Variants in FAM13A observed in about 807,000 individuals in gnomAD.
FAM13A encodes the protein family with sequence similarity 13 member A.
FAM13A carries 76 observed loss-of-function variants against 129.6 expected under a neutral mutation model. The observed-to-expected ratio is 0.59, with a 90% CI of 0.49 to 0.71. FAM13A has a LOEUF of 0.71. FAM13A is among the 30% of genes least tolerant of loss of function. The pLI, the probability that FAM13A is intolerant of heterozygous loss-of-function variation, is 0.00. For missense variants in FAM13A, 1,108 were observed against 1,249.3 expected (o/e 0.89, Z 1.70); for synonymous variants, 443 against 449.9 (o/e 0.98, Z 0.20).
At chr4:89,011,211 T>C (rs966359692) in intron 3 of FAM13A, among the ~76,000 whole-genome samples, 3 of 148,550 alleles carry the variant, frequency 2.0e-5, no homozygotes, top group African/African-American at 7.3e-5. Flanking sequence ...CTGTCTCTGG[T>C]AACCTTCCTT....
chr4:88,808,360 G>GA (rs770499950), intron 7 of FAM13A, among the ~76,000 whole-genome samples: 10 of 151,998 alleles, frequency 6.6e-5, no homozygotes, highest in Admixed American at 5.9e-4. Context: ...ATGCACATTT[G>GA]AAAAAATTAC....
intron 4 of FAM13A, among the ~76,000 whole-genome samples, chr4:88,964,554 C>T (rs546602864): frequency 2.4e-4 from 36 of 150,648 alleles, no homozygotes; most frequent in African/African-American, 8.3e-4. Flanking sequence ...ACCATCTAGT[C>T]ATAATGAATC....
intron 6 of FAM13A, among the ~76,000 whole-genome samples, chr4:88,876,800 C>G (rs1209907131): frequency 6.6e-6 from 1 of 152,096 alleles, no homozygotes; most frequent in African/African-American, 2.4e-5. Flanking sequence ...ACCATGTTAG[C>G]CAGGATGGTC....
chr4:88,804,975 T>G, intron 8 of FAM13A, 36 bp downstream of exon 8: 1 of 1,264,932 alleles, frequency 7.9e-7, no homozygotes. Flanking sequence ...CCCTCCTTTA[T>G]TCCCTGTAGT....
At chr4:88,929,255 C>T (rs1053203979) in intron 5 of FAM13A, among the ~76,000 whole-genome samples, 11 of 152,064 alleles carry the variant, frequency 7.2e-5, no homozygotes, top group East Asian at 1.9e-4. Flanking sequence ...CTGAAATGTC[C>T]GATATTAGAC....
chr4:89,025,254 T>TA (rs1423378016), intron 2 of FAM13A, among the ~76,000 whole-genome samples: 998 of 61,668 alleles, frequency 0.016, 38 homozygotes, highest in African/African-American at 0.076. Flanking sequence ...TGTTTTTTTT[T>TA]TTTTTTTTTT....
intron 7 of FAM13A, among the ~76,000 whole-genome samples, chr4:88,819,518 C>A (rs1200693842): frequency 6.6e-6 from 1 of 152,104 alleles, no homozygotes; most frequent in Non-Finnish European, 1.5e-5. Context: ...TTACCTACAT[C>A]CCCACAATAC....
At chr4:88,958,946 G>A (rs1185805530) in intron 4 of FAM13A, among the ~76,000 whole-genome samples, 1 of 152,218 alleles carries the variant, frequency 6.6e-6, no homozygotes, top group Admixed American at 6.5e-5. Flanking sequence ...CTGGATGTGG[G>A]ACATGAAGTC....
intron 4 of FAM13A, among the ~76,000 whole-genome samples, chr4:88,980,422 C>T (rs1158232306): frequency 6.6e-6 from 1 of 152,092 alleles, no homozygotes; most frequent in Non-Finnish European, 1.5e-5. Flanking sequence ...AGTAGTAAGC[C>T]AATTATCACA....
At chr4:88,944,600 T>C (rs1346203835) in intron 4 of FAM13A, among the ~76,000 whole-genome samples, 2 of 152,046 alleles carry the variant, frequency 1.3e-5, no homozygotes, top group Non-Finnish European at 2.9e-5. Context: ...AGAGTTAAGA[T>C]GCTTTTAAAA....
At chr4:88,951,465 G>C (rs1259671573) in intron 4 of FAM13A, among the ~76,000 whole-genome samples, 2 of 152,086 alleles carry the variant, frequency 1.3e-5, no homozygotes, top group Non-Finnish European at 2.9e-5. Flanking sequence ...CAAATTAATG[G>C]TTAAAAGAGA....
intron 1 of FAM13A, among the ~76,000 whole-genome samples, chr4:89,048,902 T>C (rs1176551217): frequency 6.6e-6 from 1 of 152,194 alleles, no homozygotes; most frequent in Non-Finnish European, 1.5e-5. Context: ...AATGTCACTA[T>C]TTTACATCTT....
At chr4:89,013,895 G>C (rs928840971) in intron 3 of FAM13A, among the ~76,000 whole-genome samples, 1 of 152,124 alleles carries the variant, frequency 6.6e-6, no homozygotes, top group African/African-American at 2.4e-5. Flanking sequence ...TTCTCCCCAG[G>C]TCTGCATGAG....
At chr4:88,871,600 A>C (rs1005148118) in intron 6 of FAM13A, among the ~76,000 whole-genome samples, 1 of 152,204 alleles carries the variant, frequency 6.6e-6, no homozygotes, top group Non-Finnish European at 1.5e-5. Flanking sequence ...TAGAGAAAAA[A>C]GAGTAAAAAG....
intron 13 of FAM13A, among the ~76,000 whole-genome samples, chr4:88,761,963 G>A (rs890407613): frequency 1.3e-5 from 2 of 151,998 alleles, no homozygotes; most frequent in Non-Finnish European, 2.9e-5. Context: ...TTAGGGCTCT[G>A]GAGAAAAATA....
chr4:89,013,206 A>G (rs1765957517), intron 3 of FAM13A, among the ~76,000 whole-genome samples: 1 of 151,880 alleles, frequency 6.6e-6, no homozygotes, highest in Non-Finnish European at 1.5e-5. Context: ...GAAACACAGT[A>G]ATCCTTCCTA....
At chr4:88,891,458 C>T (rs1030087800) in intron 6 of FAM13A, among the ~76,000 whole-genome samples, 18 of 152,090 alleles carry the variant, frequency 1.2e-4, no homozygotes, top group Non-Finnish European at 2.1e-4. Flanking sequence ...AGAAGAGGGA[C>T]TCTCTCCAAT....
At chr4:89,037,473 AAAC>A (rs144496523) in intron 1 of FAM13A, among the ~76,000 whole-genome samples, 5,969 of 152,290 alleles carry the variant, frequency 0.039, 227 homozygotes, top group South Asian at 0.22. Flanking sequence ...TTGGTAAAAA[AAAC>A]AACAACTTGG....
At chr4:88,914,798 T>C (rs979882315) in intron 5 of FAM13A, among the ~76,000 whole-genome samples, 6 of 152,240 alleles carry the variant, frequency 3.9e-5, no homozygotes, top group Non-Finnish European at 8.8e-5. Flanking sequence ...TTAATAAGTA[T>C]TTTTTGAATG....
Sources: allele counts gnomAD v4.1 joint callset (sites outside exome capture counted in the v4.1 genomes callset), GRCh38; gene constraint gnomAD v4.1.1; transcripts MANE v1.5; gene names NCBI Gene and HGNC (gene_info 2026-07-23, HGNC 2026-07-21).